The following ABCA8 variants were observed in gnomAD, a reference collection of about 807,000 sequenced individuals.
ABCA8 encodes the protein ATP binding cassette subfamily A member 8.
Under a neutral mutation model 192.3 loss-of-function variants are expected in ABCA8, and 177 were observed. The observed-to-expected ratio is 0.92, with a 90% CI of 0.81 to 1.04. ABCA8 has a LOEUF of 1.04. Ranked by LOEUF, ABCA8 falls within the 50% of genes least tolerant of loss-of-function variation. ABCA8 has a pLI of 0.00. For synonymous variants in ABCA8, 642 were observed against 690.2 expected (o/e 0.93, Z 1.09); for missense variants, 1,915 against 1,904.8 (o/e 1.01, Z -0.10).
intron 10 of ABCA8, among the ~76,000 whole-genome samples, chr17:68,926,126 T>C (rs1355048789): frequency 6.6e-6 from 1 of 152,056 alleles, no homozygotes; most frequent in East Asian, 1.9e-4. Context: ...ATATTTAAAG[T>C]AATATCATTA....
intron 3 of ABCA8, 117 bp downstream of exon 3, chr17:68,941,822 C>T (rs1213627418): frequency 6.3e-6 from 4 of 638,798 alleles, no homozygotes; most frequent in Non-Finnish European, 1.1e-5. Flanking sequence ...ATAAACGTTG[C>T]TGTATTTTAG....
At chr17:68,913,323 G>A (rs564593844) in intron 17 of ABCA8, among the ~76,000 whole-genome samples, 38 of 151,738 alleles carry the variant, frequency 2.5e-4, no homozygotes, top group African/African-American at 8.4e-4. Flanking sequence ...ACAACCTAAC[G>A]ACACTTCTTA....
intron 2 of ABCA8, among the ~76,000 whole-genome samples, chr17:68,947,396 G>A (rs185532624): frequency 4.8e-4 from 73 of 152,274 alleles, no homozygotes; most frequent in Admixed American, 3.7e-3. Context: ...ATAAGTTACA[G>A]TGTACTATAA....
At chr17:68,897,427 C>T (rs1047589549) in intron 21 of ABCA8, among the ~76,000 whole-genome samples, 10 of 152,106 alleles carry the variant, frequency 6.6e-5, no homozygotes, top group Non-Finnish European at 1.5e-4. Flanking sequence ...GTCCAGTTTT[C>T]AACCAAAATT....
At chr17:68,940,013 A>G (rs1257521110) in intron 4 of ABCA8, among the ~76,000 whole-genome samples, 2 of 152,152 alleles carry the variant, frequency 1.3e-5, no homozygotes, top group Admixed American at 6.6e-5. Context: ...GTGGACTCTT[A>G]GAACTACTTT....
chr17:68,942,272 T>A (rs2068253216), intron 2 of ABCA8, among the ~76,000 whole-genome samples: 1 of 152,190 alleles, frequency 6.6e-6, no homozygotes. Flanking sequence ...ATCAATTTAC[T>A]GTCTCTCAGC....
rs1182555112 is a variant in ABCA8, at chr17:68,922,285, T to G, written c.1458A>C (p.Thr486=). The change falls in exon 12 of 40, where the codon ACA becomes ACC. Residue 486 remains threonine, a synonymous_variant. Coordinates refer to ENST00000586539, the MANE Select transcript of ABCA8 (RefSeq NM_001288985.2). ...GKEAIRIRNV[T]KEYKGKPDKI... ...TATCAGGCTTTCCTTTATATTCTTT[T>G]GTAACATTTCTGATTCTGAAAAAAA... 3 of 1,260,372 alleles carry G rather than the reference T, an allele frequency of 2.4e-6. No individual in the cohort carries two copies. The highest frequency in any genetic ancestry group is 2.1e-6 in the Non-Finnish European group (2 of 942,742). The allele number at this position is 1,260,372 out of a possible 1,614,324, so 78.1% of individuals were successfully genotyped here. A position where few individuals can be genotyped will look rare whatever the true frequency, so the allele number is the denominator to read the frequency against.
In ABCA8 at chr17:68,921,486, A is replaced by G. The variant is rs923188922; in HGVS notation, c.1508T>C (p.Val503Ala). The G allele has an allele frequency of 6.3e-7, 1 of 1,599,350 alleles. No homozygotes were observed. Among genetic ancestry groups the G allele is most frequent in the African/African-American group, 1.3e-5 (1 of 74,830 alleles). ...GATTTGGCCTTCGTAAATGTCAAATACCAGATCTAGGAAGAAAAAAAGAAA... is the reference window on the plus strand; with the variant it reads ...GATTTGGCCTTCGTAAATGTCAAATGCCAGATCTAGGAAGAAAAAAAGAAA... ...PDKIEALKDL[V>A]FDIYEGQITA... The change falls in exon 13 of 40, where the codon GTA becomes GCA. Residue 503 changes from valine to alanine, a missense_variant. Val to Ala is a moderately conservative substitution (Grantham distance 64). Coordinates refer to ENST00000586539, the MANE Select transcript of ABCA8 (RefSeq NM_001288985.2).
chr17:68,871,541 T>C (rs1278825239), intron 37 of ABCA8, among the ~76,000 whole-genome samples: 4 of 152,228 alleles, frequency 2.6e-5, no homozygotes, highest in Non-Finnish European at 2.9e-5. Flanking sequence ...CATTTGCATA[T>C]CTTCTTTGGA....
chr17:68,918,125 T>C lies in ABCA8; in HGVS notation c.1969A>G (p.Asn657Asp). The C allele has an allele frequency of 6.2e-7, 1 of 1,614,200 alleles. No homozygotes were observed. Among genetic ancestry groups the C allele is most frequent in the Non-Finnish European group, 8.5e-7 (1 of 1,180,026 alleles). The change falls in exon 16 of 40, where the codon AAC (asparagine) becomes GAC (aspartate). Residue 657 changes from asparagine (N) to aspartate (D), a missense_variant. By Grantham distance (23) the Asn-to-Asp change is conservative. Transcript: ENST00000586539. Reference protein sequence around the residue: ...LDPFSRHQVWNLLKERKTDRV... With the variant: ...LDPFSRHQVWDLLKERKTDRV... ...TCTGTTTTGCGTTCTTTCAGAAGGT[T>C]CCATACTTGGTGTCTTGAAAAGGGA...
chr17:68,912,520 T>C (rs1047007097), intron 17 of ABCA8, among the ~76,000 whole-genome samples: 2 of 151,962 alleles, frequency 1.3e-5, no homozygotes, highest in Non-Finnish European at 2.9e-5. Context: ...GAGATAAAGA[T>C]AGAAAGTTTA....
chr17:68,884,957 C>T (rs911374586), intron 27 of ABCA8: 1 of 701,792 alleles, frequency 1.4e-6, no homozygotes, highest in Non-Finnish European at 1.8e-6. Flanking sequence ...ATAAGGACTA[C>T]TCTGTTTCCC....
intron 2 of ABCA8, 78 bp from the exon 3 acceptor site, chr17:68,942,117 A>G: frequency 9.1e-7 from 1 of 1,095,892 alleles, no homozygotes; most frequent in Non-Finnish European, 1.3e-6. Context: ...AACAACAAAA[A>G]AACGTAGCCT....
chr17:68,929,148 C>T lies in ABCA8; in HGVS notation c.1026G>A (p.Gly342=), dbSNP rs201781578. The change falls in exon 9 of 40, where the codon GGG becomes GGA. Residue 342 remains glycine (G), a synonymous_variant. Transcript: ENST00000586539. ...TGTACAGTGATGTGAACCCCAGACA[C>T]CCCCAAAAGACAGTGAGGAGGAACA... The part of the protein sequence containing the change: ...LVVFLLTVFW[G]CLGFTSLYRH... 1.5e-4 allele frequency: 248 copies of T among 1,611,570 alleles called. No individual in the cohort carries two copies. The highest frequency in any genetic ancestry group is 1.8e-4 in the Non-Finnish European group (217 of 1,178,606).
intron 24 of ABCA8, among the ~76,000 whole-genome samples, chr17:68,888,046 T>TTATATATATATA: frequency 6.9e-6 from 1 of 145,560 alleles, no homozygotes; most frequent in African/African-American, 2.5e-5. Context: ...TGTGTTTATT[T>TTATATATATATA]TATATACACA....
intron 17 of ABCA8, among the ~76,000 whole-genome samples, chr17:68,916,653 GGGA>G (rs1448300897): frequency 6.6e-6 from 1 of 152,262 alleles, no homozygotes; most frequent in South Asian, 2.1e-4. Flanking sequence ...GAGGATGGAT[GGGA>G]GGAGAAGAAC....
intron 1 of ABCA8, among the ~76,000 whole-genome samples, chr17:68,953,637 G>T (rs1414289186): frequency 1.4e-4 from 21 of 152,160 alleles, no homozygotes; most frequent in Non-Finnish European, 1.3e-4. Context: ...GGGAAAGACA[G>T]TTCCAAGAGT....
intron 21 of ABCA8, among the ~76,000 whole-genome samples, chr17:68,900,868 A>G (rs1397079780): frequency 6.6e-6 from 1 of 152,188 alleles, no homozygotes; most frequent in Non-Finnish European, 1.5e-5. Flanking sequence ...GTTCATAATG[A>G]CAACCCTAAA....
intron 17 of ABCA8, among the ~76,000 whole-genome samples, chr17:68,909,806 A>T (rs540100357): frequency 1.3e-5 from 2 of 152,308 alleles, no homozygotes; most frequent in African/African-American, 4.8e-5. Context: ...GGAAACTGTC[A>T]TCCTATTTTC....
Sources: gnomAD v4.1 joint callset for allele counts (sites outside exome capture counted in the v4.1 genomes callset) on GRCh38, gnomAD v4.1.1 for gene constraint, MANE v1.5 for transcripts, NCBI Gene and HGNC (gene_info 2026-07-23, HGNC 2026-07-21) for gene names.